The following KIFAP3 variants were observed in gnomAD, a reference collection of about 807,000 sequenced individuals.
The protein encoded by KIFAP3 is kinesin associated protein 3, also known as kinesin-associated protein 3.
A neutral mutation model predicts 106.5 loss-of-function variants in KIFAP3; 68 were observed. The ratio of observed to expected loss-of-function variants is 0.64; its 90% CI spans 0.53 to 0.78. The LOEUF is 0.78. Among genes scored for constraint, KIFAP3 ranks in the 30% least tolerant of loss-of-function variants. KIFAP3 has a pLI of 0.00. For missense variants in KIFAP3, 780 were observed against 941.8 expected, an observed-to-expected ratio of 0.83 and a Z score of 2.25; for synonymous variants, 320 against 311.5, an observed-to-expected ratio of 1.03 and a Z score of -0.29.
intron 8 of KIFAP3, among the ~76,000 whole-genome samples, chr1:170,027,406 C>G (rs927186938): frequency 6.6e-6 from 1 of 152,138 alleles, no homozygotes; most frequent in Non-Finnish European, 1.5e-5. Context: ...CCAATTGCAA[C>G]TGTCCAAGAA....
rs950059849 is a variant in KIFAP3 at position 169,964,167 on chromosome 1, C to T, written c.1984-2932G>A. Among the ~76,000 whole-genome samples, 3 of 151,614 alleles carry T rather than the reference C, an allele frequency of 2.0e-5. No individual in the cohort carries two copies. In the South Asian group the frequency reaches 6.2e-4, roughly 31 times the overall value. ...CACTGATCACACACAAATTATTCTGCCAAAAGGAGATAATACATATAAAGC... is the reference window on the plus strand; with the variant it reads ...CACTGATCACACACAAATTATTCTGTCAAAAGGAGATAATACATATAAAGC... On this transcript the variant is annotated intron_variant, in intron 17 of 19. Coordinates refer to ENST00000361580, the MANE Select transcript of KIFAP3 (RefSeq NM_014970.4).
intron 1 of KIFAP3, among the ~76,000 whole-genome samples, chr1:170,056,894 A>G (rs975885625): frequency 6.6e-6 from 1 of 152,122 alleles, no homozygotes; most frequent in Non-Finnish European, 1.5e-5. Flanking sequence ...AGGCCAGCAA[A>G]AATCGAGGAA....
chr1:169,972,702 T>A, intron 16 of KIFAP3, 104 bp from the exon 17 acceptor site: 1 of 534,476 alleles, frequency 1.9e-6, no homozygotes, highest in Non-Finnish European at 3.2e-6. Flanking sequence ...TAAATGGAAA[T>A]ATAACCCAAA....
Position 169,961,137 on chromosome 1 carries a change from C to G in KIFAP3, c.2082G>C (p.Glu694Asp). The G allele has an allele frequency of 2.5e-6, 4 of 1,613,772 alleles. No individual in the cohort carries two copies. The highest frequency in any genetic ancestry group is 3.4e-6 in the Non-Finnish European group (4 of 1,179,764). The change falls in exon 18 of 20, where the codon GAG becomes GAC. Residue 694 changes from glutamate (E) to aspartate (D), a missense_variant. This residue lies in a region of KIFAP3 where 114 missense variants were observed against 122.3 expected (regional missense o/e 0.93). Coordinates refer to ENST00000361580, the MANE Select transcript of KIFAP3 (RefSeq NM_014970.4). The stretch of plus-strand genomic sequence containing the variant: ...CATCACCATACAAGTACTGCTCACT[C>G]TCATCCATCTGACGACTCTCTACCA... Reference protein sequence around the residue: ...LEMVESRQMDESEQYLYGDDR... With the variant: ...LEMVESRQMDDSEQYLYGDDR...
chr1:169,994,360 T>C (rs1419477647), intron 10 of KIFAP3, among the ~76,000 whole-genome samples: 3 of 152,208 alleles, frequency 2.0e-5, no homozygotes, highest in Non-Finnish European at 4.4e-5. Context: ...CATTTTTATA[T>C]CACAAGGTAA....
intron 1 of KIFAP3, among the ~76,000 whole-genome samples, chr1:170,062,377 G>T (rs981706503): frequency 2.0e-5 from 3 of 148,394 alleles, no homozygotes; most frequent in Non-Finnish European, 4.5e-5. Flanking sequence ...TTTGTGTTTG[G>T]TTTTTTCATT....
At chr1:170,060,729 C>CT (rs1671102833) in intron 1 of KIFAP3, among the ~76,000 whole-genome samples, 1 of 152,142 alleles carries the variant, frequency 6.6e-6, no homozygotes, top group African/African-American at 2.4e-5. Context: ...AAGAACAAAG[C>CT]TGGAGGCATC....
intron 19 of KIFAP3, among the ~76,000 whole-genome samples, chr1:169,931,666 G>A (rs917090282): frequency 6.6e-6 from 1 of 152,288 alleles, no homozygotes; most frequent in East Asian, 1.9e-4. Flanking sequence ...TCATTAGCAC[G>A]TCCTTTAAAT....
intron 19 of KIFAP3, among the ~76,000 whole-genome samples, chr1:169,941,508 G>A (rs1310351153): frequency 6.9e-6 from 1 of 145,564 alleles, no homozygotes; most frequent in Non-Finnish European, 1.5e-5. Flanking sequence ...TGATTTTTAT[G>A]AGGATGAGAA....
intron 17 of KIFAP3, among the ~76,000 whole-genome samples, chr1:169,967,401 T>C (rs1665683406): frequency 6.6e-6 from 1 of 151,838 alleles, no homozygotes; most frequent in Non-Finnish European, 1.5e-5. Flanking sequence ...CTTCTCTATG[T>C]GCTCTGGGAA....
chr1:170,055,183 G>C (rs1207929801), intron 2 of KIFAP3, 122 bp downstream of exon 2: 4 of 807,658 alleles, frequency 5.0e-6, no homozygotes, highest in Non-Finnish European at 7.3e-6. Context: ...CCTTCACTAA[G>C]ATGAAGTATG....
chr1:170,055,911 C>T (rs953432391), intron 1 of KIFAP3, among the ~76,000 whole-genome samples: 4 of 152,074 alleles, frequency 2.6e-5, no homozygotes, highest in African/African-American at 7.2e-5. Context: ...ATGGGAGAAA[C>T]ACTTTAGGTC....
intron 10 of KIFAP3, among the ~76,000 whole-genome samples, chr1:169,997,557 C>A (rs1426143044): frequency 6.6e-6 from 1 of 151,984 alleles, no homozygotes; most frequent in Admixed American, 6.6e-5. Flanking sequence ...TACCTTTCTA[C>A]CTAGTCATTT....
intron 19 of KIFAP3, among the ~76,000 whole-genome samples, chr1:169,926,737 A>G (rs1663162978): frequency 6.6e-6 from 1 of 152,012 alleles, no homozygotes; most frequent in African/African-American, 2.4e-5. Flanking sequence ...ACCATGCTAA[A>G]TTTCATCTTT....
intron 19 of KIFAP3, among the ~76,000 whole-genome samples, chr1:169,935,055 T>C (rs551890639): frequency 3.9e-5 from 6 of 152,254 alleles, no homozygotes; most frequent in Admixed American, 3.9e-4. Context: ...AAAATACTTT[T>C]TTGAGATTTT....
At chr1:170,070,066 A>C (rs1671631834) in intron 1 of KIFAP3, among the ~76,000 whole-genome samples, 1 of 152,072 alleles carries the variant, frequency 6.6e-6, no homozygotes. Context: ...CTTCATTTCC[A>C]ATAGCATCAA....
chr1:169,933,339 C>T (rs1663597579), intron 19 of KIFAP3, among the ~76,000 whole-genome samples: 1 of 151,808 alleles, frequency 6.6e-6, no homozygotes, highest in Non-Finnish European at 1.5e-5. Flanking sequence ...GTATAATATA[C>T]CAGAAATGTA....
At chr1:170,062,224 A>G (rs1460859115) in intron 1 of KIFAP3, among the ~76,000 whole-genome samples, 3 of 151,654 alleles carry the variant, frequency 2.0e-5, no homozygotes, top group African/African-American at 7.3e-5. Context: ...TCAAAAAAAA[A>G]AAAAAGAAAA....
chr1:170,016,348 C>CA (rs1668514430), intron 10 of KIFAP3, 114 bp downstream of exon 10: 1 of 766,510 alleles, frequency 1.3e-6, no homozygotes, highest in African/African-American at 1.9e-5. Flanking sequence ...AGTTTCCAGT[C>CA]AAAGAATATA....
Sources: gnomAD v4.1 joint callset for allele counts (sites outside exome capture counted in the v4.1 genomes callset) on GRCh38, gnomAD v4.1.1 for gene constraint, gnomAD v4.1.1 regional missense constraint, MANE v1.5 for transcripts, NCBI Gene and HGNC (gene_info 2026-07-23, HGNC 2026-07-21) for gene names.